Variants in DSCAM observed in about 807,000 individuals in gnomAD.
DSCAM encodes cell adhesion molecule DSCAM.
A neutral mutation model predicts 217.7 loss-of-function variants in DSCAM; 47 were observed. The observed-to-expected ratio is 0.22, with a 90% confidence interval of 0.17 to 0.28. The LOEUF is 0.28. Ranked by LOEUF, DSCAM falls within the 10% of genes least tolerant of loss-of-function variation. The pLI is 1.00. For missense variants in DSCAM, 2,080 were observed against 2,618.3 expected (o/e 0.79, Z 4.49); for synonymous variants, 1,056 against 1,015.3 (o/e 1.04, Z -0.76).
intron 20 of DSCAM, among the ~76,000 whole-genome samples, chr21:40,101,588 G>A (rs776557226): frequency 5.9e-5 from 9 of 152,074 alleles, no homozygotes; most frequent in African/African-American, 1.9e-4. Flanking sequence ...GTATTAGTCC[G>A]TAGCCCGGGG....
chr21:40,039,667 G>C (rs888208823), intron 32 of DSCAM, among the ~76,000 whole-genome samples: 3 of 152,122 alleles, frequency 2.0e-5, no homozygotes, highest in Admixed American at 1.3e-4. Flanking sequence ...TGGCTATCAG[G>C]TATCTGCTAG....
chr21:40,048,045 C>G (rs1158733212), intron 30 of DSCAM, among the ~76,000 whole-genome samples: 1 of 152,160 alleles, frequency 6.6e-6, no homozygotes, highest in Admixed American at 6.5e-5. Context: ...AATTAGGCTG[C>G]CTGGGCTGGA....
In DSCAM at chr21:40,583,906, T is replaced by TAAAA. The variant is rs10681677; in HGVS notation, c.508+108900_508+108903dup. Among the ~76,000 whole-genome samples the TAAAA allele has an allele frequency of 1.3e-3, 176 of 140,104 alleles. 1 individual carries two copies. The highest frequency in any genetic ancestry group is 3.6e-3 in the Middle Eastern group (1 of 276). The allele number at this position is 140,104 out of a possible 152,430, so 91.9% of individuals were successfully genotyped here. ...ACCTACTTTAAAAAATAAAGTCTAT[T>TAAAA]AAAAAAAAAAAAAAGCCCAGATAGT... On this transcript the variant is annotated intron_variant, in intron 3 of 32. Coordinates refer to ENST00000400454, the MANE Select transcript of DSCAM (RefSeq NM_001389.5).
intron 18 of DSCAM, among the ~76,000 whole-genome samples, chr21:40,140,407 T>C (rs868000528): frequency 3.3e-5 from 5 of 152,218 alleles, no homozygotes; most frequent in Admixed American, 2.6e-4. Flanking sequence ...TGAAGCCACA[T>C]CTTTCATTTT....
intron 11 of DSCAM, among the ~76,000 whole-genome samples, chr21:40,242,363 T>C (rs2073165191): frequency 6.6e-6 from 1 of 152,212 alleles, no homozygotes; most frequent in Non-Finnish European, 1.5e-5. Context: ...TGTGGTTGGA[T>C]GGGGCCATAT....
intron 3 of DSCAM, among the ~76,000 whole-genome samples, chr21:40,553,254 A>C (rs1346411736): frequency 2.0e-5 from 3 of 152,266 alleles, no homozygotes; most frequent in Non-Finnish European, 4.4e-5. Flanking sequence ...CTTTTATGAA[A>C]GTACCACTGG....
At chr21:40,708,978 TAC>T (rs1423730619) in intron 1 of DSCAM, among the ~76,000 whole-genome samples, 1 of 152,214 alleles carries the variant, frequency 6.6e-6, no homozygotes, top group Non-Finnish European at 1.5e-5. Flanking sequence ...TCACATTTTG[TAC>T]ACAAACTGTT....
intron 3 of DSCAM, among the ~76,000 whole-genome samples, chr21:40,653,746 A>G (rs952615146): frequency 2.0e-5 from 3 of 152,206 alleles, no homozygotes; most frequent in African/African-American, 7.2e-5. Context: ...GTTACAAATT[A>G]AGTTGAACTA....
chr21:40,091,877 A>G (rs11701806), intron 21 of DSCAM, among the ~76,000 whole-genome samples: 26,021 of 152,080 alleles, frequency 0.17, 2,385 homozygotes, highest in African/African-American at 0.22. Context: ...ACCTGCTCCC[A>G]TGACTCAATT....
At chr21:40,063,552 A>G (rs544438730) in intron 27 of DSCAM, among the ~76,000 whole-genome samples, 38 of 152,052 alleles carry the variant, frequency 2.5e-4, no homozygotes, top group Non-Finnish European at 5.0e-4. Context: ...AATATAATTT[A>G]TTCTTTTTAC....
intron 3 of DSCAM, among the ~76,000 whole-genome samples, chr21:40,506,614 GGC>G (rs2076212135): frequency 6.6e-6 from 1 of 152,122 alleles, no homozygotes; most frequent in Non-Finnish European, 1.5e-5. Context: ...TTGTATATAT[GGC>G]CAAAGAAAAT....
At chr21:40,722,485 A>T (rs2090912059) in intron 1 of DSCAM, among the ~76,000 whole-genome samples, 1 of 152,148 alleles carries the variant, frequency 6.6e-6, no homozygotes, top group African/African-American at 2.4e-5. Context: ...TGGACATTGT[A>T]AACTCTAAAA....
At chr21:40,746,631 A>G (rs1443204791) in intron 1 of DSCAM, among the ~76,000 whole-genome samples, 1 of 151,884 alleles carries the variant, frequency 6.6e-6, no homozygotes, top group Non-Finnish European at 1.5e-5. Flanking sequence ...AGGGAACTTT[A>G]ATACCCCTAC....
chr21:40,715,191 T>TCA (rs2090828582), intron 1 of DSCAM, among the ~76,000 whole-genome samples: 1 of 152,238 alleles, frequency 6.6e-6, no homozygotes. Context: ...GTTTCACTCT[T>TCA]CACACTCATA....
At chr21:40,115,658 T>C (rs1476008607) in intron 20 of DSCAM, among the ~76,000 whole-genome samples, 2 of 152,086 alleles carry the variant, frequency 1.3e-5, no homozygotes, top group Non-Finnish European at 2.9e-5. Flanking sequence ...AAATAACAGA[T>C]GCTGGTGAGG....
intron 15 of DSCAM, among the ~76,000 whole-genome samples, chr21:40,177,842 G>A (rs8130905): frequency 0.35 from 52,888 of 152,026 alleles, 9,320 homozygotes; most frequent in African/African-American, 0.38. Context: ...TGGTGGGAAG[G>A]AAGCCAAGAT....
chr21:40,474,623 C>A (rs1310817628), intron 3 of DSCAM, among the ~76,000 whole-genome samples: 1 of 152,178 alleles, frequency 6.6e-6, no homozygotes, highest in Non-Finnish European at 1.5e-5. Flanking sequence ...AAAAATGCCG[C>A]TTCCATTCTG....
At chr21:40,682,164 G>A (rs2146424913) in intron 3 of DSCAM, among the ~76,000 whole-genome samples, 1 of 147,126 alleles carries the variant, frequency 6.8e-6, no homozygotes, top group African/African-American at 2.5e-5. Context: ...TCATGGGGAA[G>A]GTTTCCTTTG....
intron 4 of DSCAM, among the ~76,000 whole-genome samples, chr21:40,358,636 GTC>G (rs1273591146): frequency 6.6e-6 from 1 of 151,806 alleles, no homozygotes; most frequent in Non-Finnish European, 1.5e-5. Context: ...GTGGAACCCC[GTC>G]TCTACTAAAA....
Sources: allele counts gnomAD v4.1 joint callset (sites outside exome capture counted in the v4.1 genomes callset), GRCh38; gene constraint gnomAD v4.1.1; transcripts MANE v1.5; gene names NCBI Gene and HGNC (gene_info 2026-07-23, HGNC 2026-07-21).